GALNTL6: variants seen among roughly 807,000 people sequenced by gnomAD.
GALNTL6 encodes the protein polypeptide N-acetylgalactosaminyltransferase-like 6.
Under a neutral mutation model 73.7 loss-of-function variants are expected in GALNTL6, and 46 were observed. That is an observed-to-expected ratio of 0.62 (90% CI 0.49 to 0.80). The LOEUF (loss-of-function observed/expected upper bound fraction) is 0.80. GALNTL6 is among the 30% of genes least tolerant of loss of function. The pLI is 0.00. For synonymous variants in GALNTL6, 259 were observed against 263.7 expected (o/e 0.98, Z 0.17); for missense variants, 604 against 755.0 (o/e 0.80, Z 2.34).
At chr4:172,742,186 C>A (rs780221779) in intron 5 of GALNTL6, among the ~76,000 whole-genome samples, 1 of 151,742 alleles carries the variant, frequency 6.6e-6, no homozygotes, top group African/African-American at 2.4e-5. Context: ...CGGGATAGTT[C>A]AAAACTTTAT....
chr4:172,737,765 C>G (rs1484245242), intron 5 of GALNTL6, among the ~76,000 whole-genome samples: 1 of 152,190 alleles, frequency 6.6e-6, no homozygotes, highest in Non-Finnish European at 1.5e-5. Flanking sequence ...TTATTGAATA[C>G]ATTTGCTTAG....
At chr4:172,201,188 T>C (rs1735939406) in intron 2 of GALNTL6, among the ~76,000 whole-genome samples, 1 of 151,406 alleles carries the variant, frequency 6.6e-6, no homozygotes, top group Non-Finnish European at 1.5e-5. Flanking sequence ...TTTTTTTTTT[T>C]GGTTTGTTTG....
intron 9 of GALNTL6, among the ~76,000 whole-genome samples, chr4:172,941,303 A>G (rs752357379): frequency 1.3e-4 from 20 of 152,236 alleles, no homozygotes; most frequent in Non-Finnish European, 2.6e-4. Context: ...GGGATATTTT[A>G]TAATGTAAAT....
intron 2 of GALNTL6, among the ~76,000 whole-genome samples, chr4:172,086,234 AT>A (rs1732028928): frequency 6.6e-6 from 1 of 152,120 alleles, no homozygotes. Flanking sequence ...TAATACTATG[AT>A]TTTTAAATGA....
chr4:172,568,464 T>A (rs1736639651), intron 5 of GALNTL6, among the ~76,000 whole-genome samples: 2 of 152,020 alleles, frequency 1.3e-5, no homozygotes, highest in Non-Finnish European at 2.9e-5. Flanking sequence ...TTTTTAAAAG[T>A]AACAAAGATG....
In GALNTL6 at chr4:171,957,846, A is replaced by T. The variant is rs140350195; in HGVS notation, c.138+143128A>T. ...GTTCAGATGTCCTCGTGAGTATGCT[A>T]ACATATTTGACAAAAAAAATGGTAT... On this transcript the variant is annotated intron_variant, in intron 2 of 12. Coordinates refer to ENST00000506823, the MANE Select transcript of GALNTL6 (RefSeq NM_001034845.3). 3.8e-3 allele frequency among the ~76,000 whole-genome samples: 573 copies of T among 152,234 alleles called. 1 individual carries two copies. The highest frequency in any genetic ancestry group is 0.012 in the African/African-American group (495 of 41,548).
At chr4:172,969,760 G>A (rs372740547) in intron 10 of GALNTL6, among the ~76,000 whole-genome samples, 4 of 152,198 alleles carry the variant, frequency 2.6e-5, no homozygotes, top group South Asian at 4.1e-4. Context: ...TGTTGGAAAC[G>A]TAATCGTCAA....
At chr4:172,690,404 G>T (rs1156915559) in intron 5 of GALNTL6, among the ~76,000 whole-genome samples, 2 of 152,116 alleles carry the variant, frequency 1.3e-5, no homozygotes, top group Non-Finnish European at 1.5e-5. Context: ...ACTGGATCAG[G>T]CCCAGTGGGG....
chr4:171,890,122 C>T (rs76716238), intron 2 of GALNTL6, among the ~76,000 whole-genome samples: 1,699 of 152,164 alleles, frequency 0.011, 27 homozygotes, highest in African/African-American at 0.039. Flanking sequence ...ACTTACATCC[C>T]TTGTCCTACT....
chr4:172,546,809 T>TATATATATGTATATATATAC (rs1445157203), intron 5 of GALNTL6, among the ~76,000 whole-genome samples: 3 of 58,154 alleles, frequency 5.2e-5, no homozygotes, highest in African/African-American at 1.6e-4. Flanking sequence ...TATATATACG[T>TATATATATGTATATATATAC]ATATATATAC....
At chr4:172,411,293 GA>G (rs925069853) in intron 5 of GALNTL6, among the ~76,000 whole-genome samples, 1 of 149,078 alleles carries the variant, frequency 6.7e-6, no homozygotes, top group African/African-American at 2.5e-5. Context: ...TTTACTAAAA[GA>G]AAAAAAAACA....
At chr4:171,850,069 G>A (rs771876896) in intron 2 of GALNTL6, among the ~76,000 whole-genome samples, 5 of 152,142 alleles carry the variant, frequency 3.3e-5, no homozygotes, top group Non-Finnish European at 5.9e-5. Flanking sequence ...GGTTTCAAGC[G>A]ATTCTCTTGC....
chr4:172,490,806 T>C (rs1733868744), intron 5 of GALNTL6, among the ~76,000 whole-genome samples: 1 of 152,176 alleles, frequency 6.6e-6, no homozygotes, highest in Admixed American at 6.6e-5. Context: ...AAAATCTACC[T>C]GTGCATGTTT....
In GALNTL6 at chr4:172,422,417, G is replaced by C. The variant is rs573553776; in HGVS notation, c.553+73728G>C. On this transcript the variant is annotated intron_variant, in intron 5 of 12. Coordinates refer to ENST00000506823, the MANE Select transcript of GALNTL6 (RefSeq NM_001034845.3). ...GGTTGACCTATTATTTGACTAATAAGTTTTCTTCATTTGGTTACAGGAATG... is the reference window on the plus strand; with the variant it reads ...GGTTGACCTATTATTTGACTAATAACTTTTCTTCATTTGGTTACAGGAATG... 2.0e-5 allele frequency among the ~76,000 whole-genome samples: 3 copies of C among 152,056 alleles called. No homozygotes were observed. The South Asian group carries it at 6.2e-4, about 32-fold the overall frequency.
intron 3 of GALNTL6, among the ~76,000 whole-genome samples, chr4:172,290,407 T>A (rs969186030): frequency 6.6e-6 from 1 of 152,152 alleles, no homozygotes; most frequent in Admixed American, 6.6e-5. Context: ...ATCTAGTTTA[T>A]GTCTGTTTTC....
chr4:171,998,315 T>TA (rs1740559139), intron 2 of GALNTL6, among the ~76,000 whole-genome samples: 2 of 152,270 alleles, frequency 1.3e-5, no homozygotes, highest in South Asian at 4.1e-4. Flanking sequence ...TGTGGAGGTC[T>TA]AATGAGTCAA....
At chr4:172,574,464 T>G (rs1736887974) in intron 5 of GALNTL6, among the ~76,000 whole-genome samples, 1 of 151,000 alleles carries the variant, frequency 6.6e-6, no homozygotes, top group Admixed American at 6.6e-5. Flanking sequence ...AATAAAAATT[T>G]TATTTTTAAA....
intron 3 of GALNTL6, among the ~76,000 whole-genome samples, chr4:172,250,165 G>T (rs1183485130): frequency 6.6e-6 from 1 of 152,152 alleles, no homozygotes; most frequent in African/African-American, 2.4e-5. Context: ...TCCTGCATCA[G>T]TATGACCTTA....
intron 2 of GALNTL6, among the ~76,000 whole-genome samples, chr4:172,204,340 A>G (rs1010810858): frequency 4.6e-5 from 7 of 152,160 alleles, no homozygotes; most frequent in South Asian, 2.1e-4. Context: ...AGTCTTTTCT[A>G]TCATTAAAGA....
Sources: gnomAD v4.1 joint callset for allele counts (sites outside exome capture counted in the v4.1 genomes callset) on GRCh38, gnomAD v4.1.1 for gene constraint, MANE v1.5 for transcripts, NCBI Gene and HGNC (gene_info 2026-07-23, HGNC 2026-07-21) for gene names.